The following NF2 variants were observed in gnomAD, a reference collection of about 807,000 sequenced individuals.
NF2 encodes the protein merlin.
A neutral mutation model predicts 83.7 loss-of-function variants in NF2; 8 were observed. The observed-to-expected ratio is 0.10, with a 90% confidence interval of 0.06 to 0.17. The LOEUF (loss-of-function observed/expected upper bound fraction) is 0.17. NF2 is among the 10% of genes least tolerant of loss of function. The pLI, the probability that NF2 is intolerant of heterozygous loss-of-function variation, is 1.00. For missense variants in NF2, 533 were observed against 744.4 expected (o/e 0.72, Z 3.31); for synonymous variants, 266 against 269.6 (o/e 0.99, Z 0.13).
chr22:29,605,563 G>A (rs897005802), intron 1 of NF2, among the ~76,000 whole-genome samples: 10 of 152,078 alleles, frequency 6.6e-5, no homozygotes, highest in Non-Finnish European at 1.2e-4. Flanking sequence ...ACTCGCCTTG[G>A]CCTCCCAAAG....
Position 29,604,007 on chromosome 22 carries a change from G to A in NF2, c.9G>A (p.Gly3=), listed in dbSNP as rs1280487219. MA[G]AIASRMSFSS... is the part of the protein sequence containing the mutation. The stretch of plus-strand genomic sequence containing the variant: ...GGCCTGAGCCCCGCGCCATGGCCGG[G>A]GCCATCGCTTCCCGCATGAGCTTCA... The change falls in exon 1 of 16, where the codon GGG becomes GGA. Residue 3 remains glycine (G), a synonymous_variant. Coordinates refer to ENST00000338641, the MANE Select transcript of NF2 (RefSeq NM_000268.4). The A allele has an allele frequency of 1.3e-6, 2 of 1,585,316 alleles. No homozygotes were observed. Among genetic ancestry groups the A allele is most frequent in the Non-Finnish European group, 1.7e-6 (2 of 1,166,136 alleles).
intron 4 of NF2, among the ~76,000 whole-genome samples, chr22:29,644,918 A>AGGGAGAGGGAGACCATG (rs1238151440): frequency 6.7e-6 from 1 of 150,224 alleles, no homozygotes; most frequent in Non-Finnish European, 1.5e-5. Flanking sequence ...GTGGAAAGAG[A>AGGGAGAGGGAGACCATG]GGGAGAGGGA....
intron 10 of NF2, 127 bp from the exon 11 acceptor site, chr22:29,671,699 A>G: frequency 7.5e-7 from 1 of 1,325,166 alleles, no homozygotes; most frequent in Non-Finnish European, 1.1e-6. Context: ...GACCCTGGCT[A>G]CCTAAAGGAA....
At chr22:29,639,280 C>T (rs765800227) in intron 3 of NF2, 68 bp downstream of exon 3, 33 of 1,594,984 alleles carry the variant, frequency 2.1e-5, no homozygotes, top group Non-Finnish European at 2.7e-5. Context: ...GAGTTGGCCT[C>T]AGAGTTGACC....
rs1208900039 is a variant in NF2 at position 29,665,090 on chromosome 22, A to G, written c.885+26A>G. The G allele has an allele frequency of 1.9e-6, 3 of 1,552,180 alleles. No individual in the cohort carries two copies. In the South Asian group the frequency reaches 3.3e-5, roughly 17 times the overall value. On this transcript the variant is annotated intron_variant, in intron 9 of 15. Transcript: ENST00000338641. ...GTAAGTTGAGATCCTGGTTTTCATTACTGATAATGGTAGCTTTTCTGAGAA... is the reference window on the plus strand; with the variant it reads ...GTAAGTTGAGATCCTGGTTTTCATTGCTGATAATGGTAGCTTTTCTGAGAA...
chr22:29,610,219 G>C (rs2146697159), intron 1 of NF2, among the ~76,000 whole-genome samples: 1 of 152,180 alleles, frequency 6.6e-6, no homozygotes, highest in South Asian at 2.1e-4. Context: ...GGTGGTGTGA[G>C]CCTGGAGTCC....
intron 7 of NF2, among the ~76,000 whole-genome samples, chr22:29,659,727 C>G (rs1490500485): frequency 2.0e-5 from 3 of 152,122 alleles, no homozygotes; most frequent in Non-Finnish European, 4.4e-5. Flanking sequence ...AAGGCTGAAT[C>G]TTTTTTTAAA....
intron 10 of NF2, among the ~76,000 whole-genome samples, chr22:29,669,174 G>C (rs575703010): frequency 7.2e-5 from 11 of 152,326 alleles, no homozygotes; most frequent in African/African-American, 2.4e-4. Context: ...ATACATTGGA[G>C]AGGCTGGTCC....
chr22:29,689,987 G>T (rs191867950), intron 15 of NF2, among the ~76,000 whole-genome samples: 2 of 152,230 alleles, frequency 1.3e-5, no homozygotes, highest in Non-Finnish European at 2.9e-5. Context: ...AGAGTTGGCC[G>T]TGCGCCTCAT....
chr22:29,676,185 A>T (rs2066958700), intron 13 of NF2, among the ~76,000 whole-genome samples: 1 of 149,792 alleles, frequency 6.7e-6, no homozygotes, highest in African/African-American at 2.5e-5. Flanking sequence ...TTTTTTTTTT[A>T]GAGAGAGAGA....
At chr22:29,611,388 G>A (rs1432313404) in intron 1 of NF2, among the ~76,000 whole-genome samples, 5 of 152,120 alleles carry the variant, frequency 3.3e-5, no homozygotes, top group Non-Finnish European at 7.4e-5. Flanking sequence ...TTAGCCAGGT[G>A]TGGTGGTGCA....
chr22:29,620,313 T>C (rs2065184312), intron 1 of NF2, among the ~76,000 whole-genome samples: 1 of 152,004 alleles, frequency 6.6e-6, no homozygotes, highest in African/African-American at 2.4e-5. Flanking sequence ...CCTAACTACT[T>C]GGTAGGCTGA....
intron 3 of NF2, among the ~76,000 whole-genome samples, chr22:29,641,589 C>T (rs778563562): frequency 2.6e-5 from 4 of 152,210 alleles, no homozygotes; most frequent in Admixed American, 6.5e-5. Flanking sequence ...GTGTCTGGAA[C>T]ATCCCAAGTT....
chr22:29,615,812 A>G (rs1468496994), intron 1 of NF2, among the ~76,000 whole-genome samples: 1 of 152,198 alleles, frequency 6.6e-6, no homozygotes. Context: ...CCCACAATTC[A>G]ACTTACAGAT....
chr22:29,649,389 T>C (rs942118565), intron 4 of NF2, among the ~76,000 whole-genome samples: 7 of 152,136 alleles, frequency 4.6e-5, no homozygotes, highest in African/African-American at 1.7e-4. Context: ...GAGACCAGCT[T>C]GGCCACATGG....
chr22:29,656,775 T>C (rs2066323588), intron 6 of NF2, among the ~76,000 whole-genome samples: 1 of 152,038 alleles, frequency 6.6e-6, no homozygotes, highest in African/African-American at 2.4e-5. Flanking sequence ...TTTTGCCAGG[T>C]ACCACCAAAT....
intron 1 of NF2, among the ~76,000 whole-genome samples, chr22:29,622,655 T>G (rs1451436412): frequency 1.1e-3 from 143 of 132,604 alleles, no homozygotes; most frequent in African/African-American, 3.9e-3. Flanking sequence ...TATTTTTTTT[T>G]TTTTTTTTTT....
intron 15 of NF2, chr22:29,684,005 C>T (rs2067213839): frequency 1.2e-6 from 1 of 821,296 alleles, no homozygotes. Flanking sequence ...GTCTTCCCTG[C>T]AGTTTCTGCT....
chr22:29,656,407 C>CTTTTTT (rs59440855), intron 6 of NF2, among the ~76,000 whole-genome samples: 11 of 81,704 alleles, frequency 1.3e-4, no homozygotes, highest in South Asian at 4.6e-4. Context: ...GGGATATATT[C>CTTTTTT]TTTTTTTTTT....
Sources: allele counts gnomAD v4.1 joint callset (sites outside exome capture counted in the v4.1 genomes callset), GRCh38; gene constraint gnomAD v4.1.1; transcripts MANE v1.5; gene names NCBI Gene and HGNC (gene_info 2026-07-23, HGNC 2026-07-21).